Variants in CCBE1 observed in about 807,000 individuals in gnomAD.
The protein encoded by CCBE1 is collagen and calcium-binding EGF domain-containing protein 1.
In CCBE1, 37 loss-of-function variants were observed where a neutral mutation model predicts 50.0. That is an observed-to-expected ratio of 0.74 (90% CI 0.57 to 0.97). CCBE1 has a LOEUF of 0.97. CCBE1 is among the 50% of genes least tolerant of loss of function. The pLI, the probability that CCBE1 is intolerant of heterozygous loss-of-function variation, is 0.00. For missense variants in CCBE1, 538 were observed against 523.8 expected, an observed-to-expected ratio of 1.03 and a Z score of -0.26; for synonymous variants, 234 against 203.7, an observed-to-expected ratio of 1.15 and a Z score of -1.27.
intron 2 of CCBE1, among the ~76,000 whole-genome samples, chr18:59,511,286 C>A (rs1227060730): frequency 6.6e-6 from 1 of 152,212 alleles, no homozygotes; most frequent in East Asian, 1.9e-4. Context: ...CAGTGGAGCA[C>A]TGATGATGGC....
chr18:59,531,604 T>G (rs976439795), intron 2 of CCBE1, among the ~76,000 whole-genome samples: 1 of 152,052 alleles, frequency 6.6e-6, no homozygotes, highest in Non-Finnish European at 1.5e-5. Context: ...AAAAATTAGC[T>G]TGGCATGGAG....
intron 2 of CCBE1, among the ~76,000 whole-genome samples, chr18:59,649,189 T>G (rs1051958603): frequency 2.0e-5 from 3 of 152,184 alleles, no homozygotes; most frequent in African/African-American, 7.2e-5. Flanking sequence ...CCCATTATCT[T>G]ATAGACAACA....
intron 2 of CCBE1, among the ~76,000 whole-genome samples, chr18:59,598,889 A>C (rs1306641947): frequency 6.6e-6 from 1 of 152,216 alleles, no homozygotes; most frequent in Non-Finnish European, 1.5e-5. Flanking sequence ...CATGCAACTG[A>C]TACAATTCAT....
intron 2 of CCBE1, among the ~76,000 whole-genome samples, chr18:59,540,328 A>T (rs1040935975): frequency 1.3e-5 from 2 of 152,214 alleles, no homozygotes; most frequent in African/African-American, 4.8e-5. Flanking sequence ...AAAATTACAT[A>T]TAGAAATATT....
At chr18:59,629,730 T>G (rs188582065) in intron 2 of CCBE1, among the ~76,000 whole-genome samples, 3 of 152,168 alleles carry the variant, frequency 2.0e-5, no homozygotes, top group African/African-American at 4.8e-5. Context: ...GGCTGGGAGA[T>G]GGTTTCCTGA....
At chr18:59,575,100 C>G (rs961442835) in intron 2 of CCBE1, among the ~76,000 whole-genome samples, 1 of 152,154 alleles carries the variant, frequency 6.6e-6, no homozygotes, top group Non-Finnish European at 1.5e-5. Flanking sequence ...GCTAGCAGAC[C>G]TCCAGAAGGT....
chr18:59,647,175 A>T (rs963954093), intron 2 of CCBE1, among the ~76,000 whole-genome samples: 45 of 152,234 alleles, frequency 3.0e-4, no homozygotes, highest in Non-Finnish European at 7.3e-5. Flanking sequence ...CTGACTAAAA[A>T]TACCCACATT....
At chr18:59,582,633 G>C (rs903691498) in intron 2 of CCBE1, among the ~76,000 whole-genome samples, 3 of 152,174 alleles carry the variant, frequency 2.0e-5, no homozygotes, top group African/African-American at 7.2e-5. Context: ...ACAGCAGCAA[G>C]ATCAGCCCCA....
rs1451875469 is a variant in CCBE1, at chr18:59,435,173, T to C, written c.*735A>G. 6.6e-6 allele frequency: 1 copy of C among 152,256 alleles called. No homozygotes were observed. The highest frequency in any genetic ancestry group is 6.5e-5 in the Admixed American group (1 of 15,284). 9.4% of individuals were successfully genotyped at this position (152,256 alleles called of 1,614,324 possible). A position where few individuals can be genotyped will look rare whatever the true frequency, so the allele number is the denominator to read the frequency against. ...TTTTGAAAAGAGAGTTTAATCTTCT[T>C]CCCTAAATAGGATACTTACAGATAA... On this transcript the variant is annotated 3_prime_UTR_variant, in exon 11 of 11. Coordinates refer to ENST00000439986, the MANE Select transcript of CCBE1 (RefSeq NM_133459.4).
chr18:59,449,406 G>C (rs994022981), intron 6 of CCBE1, among the ~76,000 whole-genome samples: 7 of 150,040 alleles, frequency 4.7e-5, no homozygotes, highest in Non-Finnish European at 7.4e-5. Context: ...TGGATCACTT[G>C]AGGTCAAGAG....
Position 59,439,697 on chromosome 18 carries a change from G to A in CCBE1, c.895C>T (p.Gln299Ter). 1.2e-6 allele frequency: 2 copies of A among 1,614,242 alleles called. No homozygotes were observed. Among genetic ancestry groups the A allele is most frequent in the East Asian group, 4.5e-5 (2 of 44,872 alleles). Reference sequence around the variant, plus strand: ...CTGACCACAGGGCCCCTCCGGCCTTGCTTAATGTGGGACAGATCAGGAGAT... The same window carrying A: ...CTGACCACAGGGCCCCTCCGGCCTTACTTAATGTGGGACAGATCAGGAGAT... ...GPSPDLSHIK[Q>*]GRRGPVGPPG... The change falls in exon 8 of 11, where the codon CAA becomes TAA. Residue 299 changes from glutamine (Q) to a stop codon, truncating the protein, a stop_gained. Coordinates refer to ENST00000439986, the MANE Select transcript of CCBE1 (RefSeq NM_133459.4). LOFTEE classifies it high-confidence loss of function.
intron 2 of CCBE1, among the ~76,000 whole-genome samples, chr18:59,583,686 C>T (rs546093820): frequency 0.13 from 12,279 of 91,228 alleles, 1,447 homozygotes; most frequent in African/African-American, 0.4. Flanking sequence ...TGTGTGCGCG[C>T]GCGCGCGCGC....
intron 2 of CCBE1, among the ~76,000 whole-genome samples, chr18:59,677,140 C>G (rs1207008698): frequency 1.3e-5 from 2 of 152,116 alleles, no homozygotes; most frequent in Non-Finnish European, 2.9e-5. Context: ...GAAGTTAAGA[C>G]AGGAAGCAAA....
At chr18:59,638,290 A>G (rs889419050) in intron 2 of CCBE1, among the ~76,000 whole-genome samples, 5 of 152,266 alleles carry the variant, frequency 3.3e-5, no homozygotes, top group Admixed American at 3.3e-4. Flanking sequence ...ACGCATAGAA[A>G]CATGCTTGCA....
At chr18:59,644,025 T>C (rs2054024021) in intron 2 of CCBE1, among the ~76,000 whole-genome samples, 1 of 152,186 alleles carries the variant, frequency 6.6e-6, no homozygotes, top group African/African-American at 2.4e-5. Context: ...CCCAACCTTT[T>C]TGGTACCAGG....
intron 1 of CCBE1, 28 bp downstream of exon 1, chr18:59,697,184 G>GC: frequency 6.5e-7 from 1 of 1,547,676 alleles, no homozygotes; most frequent in Middle Eastern, 2.2e-4. Context: ...GCAGGAGCTC[G>GC]CCCTCCGCTG....
intron 2 of CCBE1, among the ~76,000 whole-genome samples, chr18:59,524,607 T>C (rs1276187914): frequency 6.6e-6 from 1 of 152,194 alleles, no homozygotes; most frequent in Non-Finnish European, 1.5e-5. Flanking sequence ...TTTCATTACC[T>C]TTTTTAAAGT....
At chr18:59,695,164 G>C (rs1290653389) in intron 2 of CCBE1, among the ~76,000 whole-genome samples, 2 of 152,170 alleles carry the variant, frequency 1.3e-5, no homozygotes, top group African/African-American at 4.8e-5. Flanking sequence ...CTGAAAAAAT[G>C]AGCAAACCAT....
chr18:59,662,479 C>G (rs2054298485), intron 2 of CCBE1, among the ~76,000 whole-genome samples: 1 of 152,212 alleles, frequency 6.6e-6, no homozygotes, highest in South Asian at 2.1e-4. Context: ...CACCTCAATG[C>G]CAGCACCATG....
Sources: gnomAD v4.1 joint callset for allele counts (sites outside exome capture counted in the v4.1 genomes callset) on GRCh38, gnomAD v4.1.1 for gene constraint, MANE v1.5 for transcripts, NCBI Gene and HGNC (gene_info 2026-07-23, HGNC 2026-07-21) for gene names.